Variants in PTPN3 observed in about 807,000 individuals in gnomAD.
PTPN3 encodes protein tyrosine phosphatase non-receptor type 3.
In PTPN3, 96 loss-of-function variants were observed where a neutral mutation model predicts 132.7. The ratio of observed to expected loss-of-function variants is 0.72; its 90% CI spans 0.61 to 0.86. The LOEUF (loss-of-function observed/expected upper bound fraction) is 0.86. Among genes scored for constraint, PTPN3 ranks in the 40% least tolerant of loss-of-function variants. The pLI is 0.00. For synonymous variants in PTPN3, 398 were observed against 429.0 expected (o/e 0.93, Z 0.89); for missense variants, 1,125 against 1,159.6 (o/e 0.97, Z 0.43).
Position 109,404,608 on chromosome 9 carries a change from G to C in PTPN3, c.1793C>G (p.Ala598Gly). 1 of 1,522,342 alleles carries C rather than the reference G, an allele frequency of 6.6e-7. No homozygotes were observed. The highest frequency in any genetic ancestry group is 1.4e-5 in the South Asian group (1 of 73,738). 94.3% of individuals were successfully genotyped at this position (1,522,342 alleles called of 1,614,324 possible). ...RELALVIRRR[A>G]VRSFADFKSE... ...CTTGAAGTCAGCAAATGAGCGGACA[G>C]CTGTAACGTACAAGACAGTGCATCT... Residue 598 changes from alanine (A) to glycine (G), a missense_variant and splice_region_variant, in exon 19 of 26, where the codon GCT becomes GGT. Coordinates refer to ENST00000374541, the MANE Select transcript of PTPN3 (RefSeq NM_002829.4).
chr9:109,384,872 G>A (rs1259556128), intron 22 of PTPN3, among the ~76,000 whole-genome samples: 1 of 152,166 alleles, frequency 6.6e-6, no homozygotes, highest in Non-Finnish European at 1.5e-5. Flanking sequence ...GAATTTACTT[G>A]GAAACCTTAA....
intron 14 of PTPN3, among the ~76,000 whole-genome samples, chr9:109,417,349 C>T (rs958005369): frequency 4.6e-5 from 7 of 152,174 alleles, no homozygotes; most frequent in African/African-American, 1.2e-4. Flanking sequence ...CTTTTTTAAA[C>T]GAGTACAGAA....
intron 11 of PTPN3, among the ~76,000 whole-genome samples, chr9:109,427,905 A>T (rs1843392559): frequency 6.6e-6 from 1 of 152,242 alleles, no homozygotes; most frequent in African/African-American, 2.4e-5. Context: ...TCGGATTCGT[A>T]ATGATCTGGT....
At chr9:109,428,787 T>TGG (rs1843459507) in intron 10 of PTPN3, 103 bp from the exon 11 acceptor site, 1 of 1,469,748 alleles carries the variant, frequency 6.8e-7, no homozygotes, top group African/African-American at 1.4e-5. Flanking sequence ...TCCTGATGAG[T>TGG]GGGGGCTCTT....
rs1425755651 is a variant in PTPN3, at chr9:109,377,676, A to T, written c.*1880T>A. 6.6e-6 allele frequency: 1 copy of T among 152,104 alleles called. No homozygotes were observed. The highest frequency in any genetic ancestry group is 2.4e-5 in the African/African-American group (1 of 41,400). 9.4% of individuals were successfully genotyped at this position (152,104 alleles called of 1,614,324 possible). ...TTTTTGGGCTAATCACTGATAACTA[A>T]ACTTTTCTAAGTAACTCACCCACAG... On this transcript the variant is annotated 3_prime_UTR_variant, in exon 26 of 26. Coordinates refer to ENST00000374541, the MANE Select transcript of PTPN3 (RefSeq NM_002829.4).
At chr9:109,470,138 A>G (rs186380904) in intron 1 of PTPN3, among the ~76,000 whole-genome samples, 1 of 152,044 alleles carries the variant, frequency 6.6e-6, no homozygotes, top group East Asian at 1.9e-4. Context: ...ACTATCAGCC[A>G]CCCTAGACAA....
chr9:109,417,722 A>G, intron 14 of PTPN3: 1 of 985,306 alleles, frequency 1.0e-6, no homozygotes, highest in African/African-American at 1.7e-5. Context: ...CTGGCTGTTC[A>G]TCCCACTTGC....
intron 14 of PTPN3, among the ~76,000 whole-genome samples, chr9:109,419,765 T>C (rs1449273690): frequency 6.6e-6 from 1 of 152,016 alleles, no homozygotes; most frequent in South Asian, 2.1e-4. Flanking sequence ...AACAAATGGG[T>C]TAAATATATC....
intron 6 of PTPN3, among the ~76,000 whole-genome samples, chr9:109,447,373 G>A (rs1333201655): frequency 6.6e-6 from 1 of 152,010 alleles, no homozygotes; most frequent in Non-Finnish European, 1.5e-5. Flanking sequence ...AGGACAGCCT[G>A]GACCCAGGAG....
chr9:109,408,676 C>T (rs1022898616), intron 16 of PTPN3, among the ~76,000 whole-genome samples: 3 of 151,778 alleles, frequency 2.0e-5, no homozygotes, highest in Non-Finnish European at 2.9e-5. Flanking sequence ...GAAGCTCCTC[C>T]TTAAAAACGC....
At chr9:109,508,959 C>G in the PTPN3 span, among the ~76,000 whole-genome samples, 2 of 152,106 alleles carry the variant, frequency 1.3e-5, no homozygotes, top group South Asian at 2.1e-4. Context: ...TTTGGGAGGT[C>G]GAGGTGGGAG....
chr9:109,425,981 T>C (rs1361527911), intron 12 of PTPN3, among the ~76,000 whole-genome samples: 18 of 136,420 alleles, frequency 1.3e-4, no homozygotes, highest in African/African-American at 4.8e-4. Flanking sequence ...ACCACTACAC[T>C]CCAGGCTGGG....
chr9:109,485,464 C>T (rs957468107), intron 1 of PTPN3, among the ~76,000 whole-genome samples: 2 of 151,978 alleles, frequency 1.3e-5, no homozygotes, highest in East Asian at 3.9e-4. Flanking sequence ...GCCGAGATTG[C>T]GCCACTGCAC....
At chr9:109,389,467 G>T in intron 21 of PTPN3, 88 bp from the exon 22 acceptor site, 2 of 1,311,938 alleles carry the variant, frequency 1.5e-6, no homozygotes, top group South Asian at 1.6e-5. Context: ...CTTGCTAATT[G>T]ATATTGCACC....
At chr9:109,465,571 C>T (rs770152462) in intron 1 of PTPN3, among the ~76,000 whole-genome samples, 3 of 151,864 alleles carry the variant, frequency 2.0e-5, no homozygotes, top group African/African-American at 4.8e-5. Flanking sequence ...TAGCTGGGCA[C>T]GGTGGCATGC....
rs79517457 is a variant in PTPN3 at position 109,474,956 on chromosome 9, G to A, written c.-17-11505C>T. On this transcript the variant is annotated intron_variant, in intron 1 of 25. Transcript: ENST00000374541. The stretch of plus-strand genomic sequence containing the variant: ...GGTTGTTTTAATCACTGGAGATAAT[G>A]TGTATGCAAATTAACTTGCACCTAG... Among the ~76,000 whole-genome samples, 86 of 152,280 alleles carry A rather than the reference G, an allele frequency of 5.6e-4. No homozygotes were observed. The East Asian group carries it at 0.015, about 26-fold the overall frequency.
chr9:109,408,937 A>T (rs1286354473), intron 16 of PTPN3, among the ~76,000 whole-genome samples: 1 of 151,000 alleles, frequency 6.6e-6, no homozygotes, highest in African/African-American at 2.4e-5. Flanking sequence ...CTGTGAGCGC[A>T]TCTGGCCTGT....
chr9:109,439,704 T>A (rs1024541195), intron 7 of PTPN3, among the ~76,000 whole-genome samples: 2 of 151,662 alleles, frequency 1.3e-5, no homozygotes, highest in East Asian at 3.9e-4. Context: ...CGGTCAGAGG[T>A]TTGAGACCAG....
At chr9:109,412,383 T>C (rs540009218) in intron 14 of PTPN3, among the ~76,000 whole-genome samples, 1 of 152,082 alleles carries the variant, frequency 6.6e-6, no homozygotes, top group African/African-American at 2.4e-5. Flanking sequence ...TTTAATTTTT[T>C]TTTTTTTTTG....
Sources: gnomAD v4.1 joint callset for allele counts (sites outside exome capture counted in the v4.1 genomes callset) on GRCh38, gnomAD v4.1.1 for gene constraint, MANE v1.5 for transcripts, NCBI Gene and HGNC (gene_info 2026-07-23, HGNC 2026-07-21) for gene names.